The following CTC1 variants were observed in gnomAD, a reference collection of about 807,000 sequenced individuals.
CTC1 encodes CST complex subunit CTC1.
CTC1 carries 91 observed loss-of-function variants against 136.3 expected under a neutral mutation model. That is an observed-to-expected ratio of 0.67 (90% CI 0.56 to 0.79). CTC1 has a LOEUF of 0.79. Among genes scored for constraint, CTC1 ranks in the 30% least tolerant of loss-of-function variants. The probability of loss-of-function intolerance (pLI) is 0.00; values close to 1 mark genes in which losing one functional copy is unlikely to be tolerated. For synonymous variants in CTC1, 606 were observed against 613.8 expected (o/e 0.99, Z 0.19); for missense variants, 1,432 against 1,498.1 (o/e 0.96, Z 0.73).
intron 20 of CTC1, 81 bp from the exon 21 acceptor site, chr17:8,228,973 G>A (rs978426952): frequency 2.5e-5 from 37 of 1,505,258 alleles, no homozygotes; most frequent in Non-Finnish European, 3.0e-5. Context: ...CTCCCTCCCC[G>A]CTGTCTGCAG....
chr17:8,229,352 T>C lies in CTC1; in HGVS notation c.3106A>G (p.Ser1036Gly), dbSNP rs774772067. 7 of 1,614,162 alleles carry C rather than the reference T, an allele frequency of 4.3e-6. No individual in the cohort carries two copies. The highest frequency in any genetic ancestry group is 1.6e-4 in the Middle Eastern group (1 of 6,062). Residue 1036 changes from serine (S) to glycine (G), a missense_variant, in exon 19 of 23, where the codon AGC becomes GGC. Physicochemically the swap from Ser to Gly is moderately conservative, Grantham distance 56. Transcript: ENST00000651323. ...TASCHIVSVFSLQLFWVCAYC... is the reference protein window; with the variant it reads ...TASCHIVSVFGLQLFWVCAYC... ...GCACACACCCAGAAGAGCTGAAGGC[T>C]GAAGACAGAGACGATATGGCAAGAG...
Position 8,227,878 on chromosome 17 carries a change from G to A in CTC1, c.*302C>T, listed in dbSNP as rs1176563768. 1.0e-5 allele frequency: 3 copies of A among 299,654 alleles called. No individual in the cohort carries two copies. The highest frequency in any genetic ancestry group is 8.6e-5 in the Admixed American group (2 of 23,288). The allele number at this position is 299,654 out of a possible 1,614,324, so 18.6% of individuals were successfully genotyped here. ...GCCTGTCACCATCACCCCACAGCGA[G>A]CAAGTCTTTTGTTCCCTCAGCTCCT... is the stretch of plus-strand genomic sequence containing the variant. On this transcript the variant is annotated 3_prime_UTR_variant, in exon 23 of 23. Coordinates refer to ENST00000651323, the MANE Select transcript of CTC1 (RefSeq NM_025099.6).
At position 8,232,119 on chromosome 17, in the gene CTC1, C is replaced by T; in HGVS notation, c.2169G>A (p.Glu723=). 3 of 1,532,812 alleles carry T rather than the reference C, an allele frequency of 2.0e-6. No homozygotes were observed. The highest frequency in any genetic ancestry group is 2.6e-6 in the Non-Finnish European group (3 of 1,144,668). 95.0% of individuals were successfully genotyped at this position (1,532,812 alleles called of 1,614,324 possible). A position where few individuals can be genotyped will look rare whatever the true frequency, so the allele number is the denominator to read the frequency against. ...GCCGGCTCTGTCCTAGGTGGGGTCC[C>T]TCTGGGCCGGTGGGATCTGTCTGAG... ...STPQTDPTGP[E]GPHLGQSRLF... The change falls in exon 13 of 23, where the codon GAG becomes GAA. Residue 723 remains glutamate, a synonymous_variant. Coordinates refer to ENST00000651323, the MANE Select transcript of CTC1 (RefSeq NM_025099.6).
intron 5 of CTC1, among the ~76,000 whole-genome samples, chr17:8,237,045 T>TG (rs1359768253): frequency 6.6e-6 from 1 of 151,396 alleles, no homozygotes; most frequent in Non-Finnish European, 1.5e-5. Context: ...CAAGTTTTTT[T>TG]TTTTTTTTTA....
In CTC1 at chr17:8,229,402, C is replaced by A; in HGVS notation, c.3056G>T (p.Gly1019Val). 1 of 1,613,990 alleles carries A rather than the reference C, an allele frequency of 6.2e-7. No homozygotes were observed. The highest frequency in any genetic ancestry group is 8.5e-7 in the Non-Finnish European group (1 of 1,179,888). ...GGCAGTGGCCTGGAATGGGGACTGA[C>A]CACCCTGCAGAAGTTCAGCCAGGTA... The part of the protein sequence containing the change: ...HIYLAELLQG[G>V]QSPFQATASC... Residue 1019 changes from glycine to valine, a missense_variant, in exon 19 of 23, where the codon GGT becomes GTT. Physicochemically the swap from Gly to Val is moderately radical, Grantham distance 109 (BLOSUM62 -3). Transcript: ENST00000651323.
chr17:8,247,023 T>G (rs192410108), intron 1 of CTC1, among the ~76,000 whole-genome samples: 2,854 of 147,090 alleles, frequency 0.019, 98 homozygotes, highest in African/African-American at 0.068. Flanking sequence ...AGATGGAGTC[T>G]GGCTCTGTCG....
rs117470549 is a variant in CTC1, at chr17:8,237,909, C to T, written c.647+122G>A. ...TTCTTAATATTCAAAGCCCACCATT[C>T]CCTTGATTTGGAACATTCAGTCTAT... On this transcript the variant is annotated intron_variant, in intron 4 of 22. Transcript: ENST00000651323. The T allele has an allele frequency of 0.02, 15,691 of 773,754 alleles. 214 individuals are homozygous for T. The highest frequency in any genetic ancestry group is 0.027 in the Non-Finnish European group (12,849 of 478,238). 47.9% of individuals were successfully genotyped at this position (773,754 alleles called of 1,614,324 possible).
At position 8,232,942 on chromosome 17, in the gene CTC1, T is replaced by C. The variant is rs773628396; in HGVS notation, c.1909A>G (p.Lys637Glu). ...SGSLPCLLLAKHSQPLSDPRL... is the reference protein window; with the variant it reads ...SGSLPCLLLAEHSQPLSDPRL... ...GGGTCACTGAGGGGTTGAGAGTGCT[T>C]GGCCAGGAGCAGGCAGGGCAGGGAA... The change falls in exon 11 of 23, where the codon AAG becomes GAG. Residue 637 changes from lysine (K) to glutamate (E), a missense_variant. Transcript: ENST00000651323. 8 of 1,614,160 alleles carry C rather than the reference T, an allele frequency of 5.0e-6. No homozygotes were observed. The highest frequency in any genetic ancestry group is 6.8e-6 in the Non-Finnish European group (8 of 1,180,028).
chr17:8,236,650 T>A (rs1160070912), intron 5 of CTC1, among the ~76,000 whole-genome samples: 6 of 152,214 alleles, frequency 3.9e-5, no homozygotes, highest in African/African-American at 1.4e-4. Flanking sequence ...CATTCATTCA[T>A]GTAATCAAAG....
intron 1 of CTC1, among the ~76,000 whole-genome samples, chr17:8,247,127 C>A (rs569055648): frequency 3.3e-5 from 5 of 151,498 alleles, no homozygotes; most frequent in Admixed American, 2.0e-4. Context: ...GGATTACCGG[C>A]GTGTGCCACC....
At chr17:8,246,904 CAA>C (rs1354477812) in intron 1 of CTC1, among the ~76,000 whole-genome samples, 5 of 144,918 alleles carry the variant, frequency 3.5e-5, no homozygotes, top group African/African-American at 7.4e-5. Flanking sequence ...GACTCCGTCT[CAA>C]AACACACACA....
chr17:8,238,086 C>G lies in CTC1; in HGVS notation c.592G>C (p.Val198Leu), dbSNP rs989763856. ...VFPLTISPGP[V>L]TPIPVLYPES... ...GGGTAGAGGACAGGGATAGGCGTGA[C>G]GGGGCCAGGACTGATGGTCAAAGGA... is the stretch of plus-strand genomic sequence containing the variant. The change falls in exon 4 of 23, where the codon GTC becomes CTC. Residue 198 changes from valine (V) to leucine (L), a missense_variant. Val to Leu is a conservative substitution (Grantham distance 32). Transcript: ENST00000651323. The G allele has an allele frequency of 6.2e-7, 1 of 1,614,110 alleles. No individual in the cohort carries two copies. The highest frequency in any genetic ancestry group is 8.5e-7 in the Non-Finnish European group (1 of 1,179,998).
In CTC1 at chr17:8,236,262, G is replaced by C. The variant is rs199900567; in HGVS notation, c.873C>G (p.Ile291Met). ...TCCAAACATGCTGGCGCTGACCACG[G>C]ATCTTGGACACTCGCAGTTCTGTCA... The part of the protein sequence containing the change: ...YVLTELRVSK[I>M]RGQRQHVWMT... Residue 291 changes from isoleucine to methionine, a missense_variant, in exon 6 of 23, where the codon ATC becomes ATG. Ile to Met is a conservative substitution (Grantham distance 10, BLOSUM62 1). Transcript: ENST00000651323. The C allele has an allele frequency of 7.3e-5, 118 of 1,613,920 alleles. No homozygotes were observed. The highest frequency in any genetic ancestry group is 9.4e-5 in the Non-Finnish European group (111 of 1,180,032).
intron 1 of CTC1, among the ~76,000 whole-genome samples, chr17:8,245,351 C>G (rs1202397932): frequency 6.6e-6 from 1 of 152,166 alleles, no homozygotes; most frequent in East Asian, 1.9e-4. Flanking sequence ...TCCTTGTGGA[C>G]AGCCCTACCA....
chr17:8,229,020 A>G (rs1986976715), intron 20 of CTC1, 122 bp downstream of exon 20: 1 of 1,464,658 alleles, frequency 6.8e-7, no homozygotes, highest in South Asian at 1.2e-5. Flanking sequence ...ACCCTCATTC[A>G]TTCGTTCAAA....
Position 8,238,389 on chromosome 17 carries a change from C to T in CTC1, c.435+3G>A, listed in dbSNP as rs6503093. The stretch of plus-strand genomic sequence containing the variant: ...AGGCATCTGATCTCCACCTTCCACT[C>T]ACCTCACAGCTCAGGACGCCAGTGT... On this transcript the variant is annotated splice_donor_region_variant and intron_variant, in intron 3 of 22. Transcript: ENST00000651323. 41 of 1,611,840 alleles carry T rather than the reference C, an allele frequency of 2.5e-5. No homozygotes were observed. Among genetic ancestry groups the T allele is most frequent in the Non-Finnish European group, 3.5e-5 (41 of 1,178,326 alleles).
At chr17:8,229,559 A>G (rs1987036274) in intron 18 of CTC1, 113 bp from the exon 19 acceptor site, 2 of 866,276 alleles carry the variant, frequency 2.3e-6, no homozygotes, top group Middle Eastern at 3.5e-4. Flanking sequence ...TGGGGACAGC[A>G]GTGGGTTCCA....
At chr17:8,230,998 G>A (rs1357581379) in intron 15 of CTC1, 5 of 491,058 alleles carry the variant, frequency 1.0e-5, no homozygotes, top group Non-Finnish European at 1.8e-5. Flanking sequence ...AACTAGCTGG[G>A]TGTGGTGGCG....
In CTC1 at chr17:8,228,063, G is replaced by A; in HGVS notation, c.*117C>T. Reference sequence around the variant, plus strand: ...AAAGAAGGGAAATTATAGTGGAGTAGCAGTTTGTGAATCTGGAGTCCTTGG... The same window carrying A: ...AAAGAAGGGAAATTATAGTGGAGTAACAGTTTGTGAATCTGGAGTCCTTGG... On this transcript the variant is annotated 3_prime_UTR_variant, in exon 23 of 23. Transcript: ENST00000651323. 9.8e-7 allele frequency: 1 copy of A among 1,019,852 alleles called. No homozygotes were observed. The highest frequency in any genetic ancestry group is 2.2e-5 in the Admixed American group (1 of 46,126). The allele number at this position is 1,019,852 out of a possible 1,614,324, so 63.2% of individuals were successfully genotyped here.
Sources: gnomAD v4.1 joint callset for allele counts (sites outside exome capture counted in the v4.1 genomes callset) on GRCh38, gnomAD v4.1.1 for gene constraint, MANE v1.5 for transcripts, NCBI Gene and HGNC (gene_info 2026-07-23, HGNC 2026-07-21) for gene names.